BICRAL: variants seen among roughly 807,000 people sequenced by gnomAD.
BICRAL encodes the protein BICRA like chromatin remodeling complex associated protein, also known as BRD4-interacting chromatin-remodeling complex-associated protein-like.
A neutral mutation model predicts 91.8 loss-of-function variants in BICRAL; 8 were observed. The ratio of observed to expected loss-of-function variants is 0.09; its 90% confidence interval spans 0.05 to 0.16. BICRAL has a LOEUF of 0.16. BICRAL is among the 10% of genes least tolerant of loss of function. The pLI is 1.00. For synonymous variants in BICRAL, 445 were observed against 491.1 expected (o/e 0.91, Z 1.24); for missense variants, 1,038 against 1,310.9 (o/e 0.79, Z 3.21).
chr6:42,788,797 C>A (rs1763180698), intron 1 of BICRAL, among the ~76,000 whole-genome samples: 1 of 152,168 alleles, frequency 6.6e-6, no homozygotes, highest in African/African-American at 2.4e-5. Context: ...AACTGGGAAA[C>A]AAGGTAGTTT....
At chr6:42,748,092 C>T (rs970713732) in intron 1 of BICRAL, among the ~76,000 whole-genome samples, 3 of 147,264 alleles carry the variant, frequency 2.0e-5, no homozygotes, top group Admixed American at 6.8e-5. Context: ...GCATGAGCCA[C>T]TGTGCCTGGC....
At chr6:42,755,904 G>A (rs1458154477) in intron 1 of BICRAL, among the ~76,000 whole-genome samples, 1 of 151,862 alleles carries the variant, frequency 6.6e-6, no homozygotes, top group African/African-American at 2.4e-5. Context: ...GAACTCCTGA[G>A]CTCAGGAAAT....
intron 6 of BICRAL, among the ~76,000 whole-genome samples, chr6:42,845,208 T>G (rs867776063): frequency 0.033 from 1,311 of 39,660 alleles, 20 homozygotes; most frequent in African/African-American, 0.14. Flanking sequence ...TTTTTTTTTT[T>G]TTTTTTTTTT....
In BICRAL at chr6:42,829,516, C is replaced by T. The variant is rs1383765791; in HGVS notation, c.1183C>T (p.His395Tyr). Residue 395 changes from histidine to tyrosine, a missense_variant, in exon 6 of 13, where the codon CAC becomes TAC. Coordinates refer to ENST00000314073, the MANE Select transcript of BICRAL (RefSeq NM_001393499.1). ...IVIHSPMGQP[H>Y]APQSQFLIPT... ...TATTCATTCCCCCATGGGCCAACCT[C>T]ACGCACCCCAAAGTCAGTTCCTTAT... 1 of 1,614,068 alleles carries T rather than the reference C, an allele frequency of 6.2e-7. No individual in the cohort carries two copies. The highest frequency in any genetic ancestry group is 8.5e-7 in the Non-Finnish European group (1 of 1,180,018).
rs764949275 is a variant in BICRAL, at chr6:42,853,707, T to C, written c.2015T>C (p.Val672Ala). 6 of 1,613,400 alleles carry C rather than the reference T, an allele frequency of 3.7e-6. No individual in the cohort carries two copies. Among genetic ancestry groups the C allele is most frequent in the Non-Finnish European group, 4.2e-6 (5 of 1,179,414 alleles). The change falls in exon 8 of 13, where the codon GTT becomes GCT. Residue 672 changes from valine (V) to alanine (A), a missense_variant. By Grantham distance (64) the Val-to-Ala change is moderately conservative. Coordinates refer to ENST00000314073, the MANE Select transcript of BICRAL (RefSeq NM_001393499.1). ...GCACAACCACAGCAGGAAAAAGTAG[T>C]TGGATCATCTCCTGGCCATCCAGCT... ...GTAQPQQEKV[V>A]GSSPGHPAVQ...
At chr6:42,748,631 C>T (rs993016401) in intron 1 of BICRAL, among the ~76,000 whole-genome samples, 1 of 152,106 alleles carries the variant, frequency 6.6e-6, no homozygotes, top group African/African-American at 2.4e-5. Flanking sequence ...CCAGGTGACC[C>T]GGTGTGTTAG....
intron 1 of BICRAL, among the ~76,000 whole-genome samples, chr6:42,755,180 G>C (rs975326474): frequency 1.3e-5 from 2 of 152,158 alleles, no homozygotes; most frequent in African/African-American, 4.8e-5. Flanking sequence ...GAGAAATGGG[G>C]CTGGGTATGG....
At chr6:42,826,817 G>A (rs530455212) in intron 5 of BICRAL, among the ~76,000 whole-genome samples, 5 of 150,994 alleles carry the variant, frequency 3.3e-5, no homozygotes, top group South Asian at 2.1e-4. Context: ...ACAAAGTTTC[G>A]CTCTTGTTGC....
intron 1 of BICRAL, among the ~76,000 whole-genome samples, chr6:42,804,643 T>TG (rs1156233895): frequency 6.6e-6 from 1 of 152,070 alleles, no homozygotes; most frequent in African/African-American, 2.4e-5. Flanking sequence ...GGACATCAAG[T>TG]GGTCAAGGTG....
At position 42,845,623 on chromosome 6, in the gene BICRAL, G is replaced by A. The variant is rs542413073; in HGVS notation, c.1840-6469G>A. 2.0e-5 allele frequency among the ~76,000 whole-genome samples: 3 copies of A among 152,016 alleles called. No individual in the cohort carries two copies. The South Asian group carries it at 6.2e-4, about 32-fold the overall frequency. ...CATGGCCTTTTAGCTCTCCTTCATT[G>A]TTCTCCCTCCTTGTTCTCCTGGACT... On this transcript the variant is annotated intron_variant, in intron 6 of 12. Transcript: ENST00000314073.
At chr6:42,765,864 G>A (rs1000173734) in intron 1 of BICRAL, among the ~76,000 whole-genome samples, 67 of 152,116 alleles carry the variant, frequency 4.4e-4, no homozygotes, top group African/African-American at 1.6e-3. Context: ...TGATTATATA[G>A]CCTGTGGAAG....
Position 42,848,543 on chromosome 6 carries a change from T to C in BICRAL, c.1840-3549T>C, listed in dbSNP as rs1765088584. Among the ~76,000 whole-genome samples the C allele has an allele frequency of 2.0e-5, 3 of 152,368 alleles. No homozygotes were observed. In the South Asian group the frequency reaches 6.2e-4, roughly 32 times the overall value. The stretch of plus-strand genomic sequence containing the variant: ...TCAGGAAATGTATAAAACATAAATG[T>C]ATCATTGACAATTAATTATGGCCGG... On this transcript the variant is annotated intron_variant, in intron 6 of 12. Transcript: ENST00000314073.
At chr6:42,793,364 G>A (rs1763333906) in intron 1 of BICRAL, among the ~76,000 whole-genome samples, 1 of 134,346 alleles carries the variant, frequency 7.4e-6, no homozygotes, top group African/African-American at 2.9e-5. Flanking sequence ...GTGTTAGCCA[G>A]GATGGTCTCA....
intron 6 of BICRAL, among the ~76,000 whole-genome samples, chr6:42,838,831 C>T: frequency 6.6e-6 from 1 of 151,944 alleles, no homozygotes; most frequent in East Asian, 1.9e-4. Flanking sequence ...TGTGGTGGTG[C>T]ATGCCTGTAA....
rs1765690666 is a variant in BICRAL, at chr6:42,865,554, C to T, written c.*108C>T. 1.6e-6 allele frequency: 1 copy of T among 625,470 alleles called. No individual in the cohort carries two copies. Among genetic ancestry groups the T allele is most frequent in the Non-Finnish European group, 2.9e-6 (1 of 350,200 alleles). The allele number at this position is 625,470 out of a possible 1,614,324, so 38.7% of individuals were successfully genotyped here. Reference sequence around the variant, plus strand: ...AGCAAATGGAAATGGTCTCCTGTCTCCAGCCTGCTTGATCTTTCATCACAG... The same window carrying T: ...AGCAAATGGAAATGGTCTCCTGTCTTCAGCCTGCTTGATCTTTCATCACAG... On this transcript the variant is annotated 3_prime_UTR_variant, in exon 13 of 13. Coordinates refer to ENST00000314073, the MANE Select transcript of BICRAL (RefSeq NM_001393499.1).
intron 6 of BICRAL, 26 bp from the exon 7 acceptor site, chr6:42,852,066 G>A (rs1371768424): frequency 3.0e-6 from 4 of 1,338,900 alleles, no homozygotes; most frequent in Non-Finnish European, 2.1e-6. Context: ...TGAAATTAAT[G>A]TTTTCATCTT....
At chr6:42,798,252 G>C (rs1195210011) in intron 1 of BICRAL, among the ~76,000 whole-genome samples, 2 of 152,046 alleles carry the variant, frequency 1.3e-5, no homozygotes, top group East Asian at 1.9e-4. Context: ...TTCACTATTT[G>C]GGTAATGGGT....
chr6:42,864,161 C>A (rs1429395775), intron 12 of BICRAL, among the ~76,000 whole-genome samples: 1 of 150,318 alleles, frequency 6.7e-6, no homozygotes, highest in Non-Finnish European at 1.5e-5. Context: ...GAGCAAAACT[C>A]CGTCTCAAAA....
chr6:42,817,148 A>ATGTG (rs35347910), intron 2 of BICRAL, among the ~76,000 whole-genome samples: 57 of 148,398 alleles, frequency 3.8e-4, no homozygotes, highest in Admixed American at 6.7e-4. Context: ...CATCATTTAT[A>ATGTG]TGTGTGTGTG....
Sources: gnomAD v4.1 joint callset for allele counts (sites outside exome capture counted in the v4.1 genomes callset) on GRCh38, gnomAD v4.1.1 for gene constraint, MANE v1.5 for transcripts, NCBI Gene and HGNC (gene_info 2026-07-23, HGNC 2026-07-21) for gene names.